The following GPC6 variants were observed in gnomAD, a reference collection of about 807,000 sequenced individuals.
The protein encoded by GPC6 is glypican-6.
Under a neutral mutation model 55.2 loss-of-function variants are expected in GPC6, and 14 were observed. That is an observed-to-expected ratio of 0.25 (90% CI 0.17 to 0.40). The LOEUF is 0.40. GPC6 is among the 10% of genes least tolerant of loss of function. The pLI, the probability that GPC6 is intolerant of heterozygous loss-of-function variation, is 1.00. For synonymous variants in GPC6, 278 were observed against 259.6 expected, an observed-to-expected ratio of 1.07 and a Z score of -0.68; for missense variants, 641 against 708.5, an observed-to-expected ratio of 0.90 and a Z score of 1.08.
chr13:94,251,178 C>G (rs1891336423), intron 4 of GPC6, among the ~76,000 whole-genome samples: 1 of 151,886 alleles, frequency 6.6e-6, no homozygotes, highest in Non-Finnish European at 1.5e-5. Context: ...AAACCAAAAG[C>G]CATCATCCTC....
chr13:94,035,556 C>A (rs566922025), intron 4 of GPC6, among the ~76,000 whole-genome samples: 8 of 152,014 alleles, frequency 5.3e-5, no homozygotes, highest in Admixed American at 2.0e-4. Context: ...TAACCAGAGT[C>A]CTTCACGTGG....
At chr13:93,552,886 TTTTA>T (rs2139444896) in intron 2 of GPC6, among the ~76,000 whole-genome samples, 1 of 152,306 alleles carries the variant, frequency 6.6e-6, no homozygotes, top group South Asian at 2.1e-4. Flanking sequence ...ACAGGAGAAA[TTTTA>T]TTTAAGTTAA....
intron 2 of GPC6, among the ~76,000 whole-genome samples, chr13:93,657,005 T>C (rs1397455598): frequency 6.6e-6 from 1 of 152,118 alleles, no homozygotes; most frequent in Non-Finnish European, 1.5e-5. Context: ...AGAATCAATA[T>C]GGTTAAAATG....
intron 2 of GPC6, among the ~76,000 whole-genome samples, chr13:93,671,702 C>A (rs1195102850): frequency 6.6e-6 from 1 of 151,954 alleles, no homozygotes; most frequent in Non-Finnish European, 1.5e-5. Flanking sequence ...ACAGCGGGTA[C>A]CAAATGGGGC....
At chr13:93,759,817 G>A (rs1884899703) in intron 2 of GPC6, among the ~76,000 whole-genome samples, 3 of 152,044 alleles carry the variant, frequency 2.0e-5, no homozygotes, top group South Asian at 4.1e-4. Context: ...AAGGTAGGCT[G>A]TTCTTGGGGA....
intron 4 of GPC6, among the ~76,000 whole-genome samples, chr13:94,045,152 A>G (rs532288228): frequency 1.3e-5 from 2 of 152,026 alleles, no homozygotes; most frequent in Non-Finnish European, 1.5e-5. Flanking sequence ...TTCCTGTCAT[A>G]GAATTCTGAG....
chr13:93,461,820 C>A (rs970918760), intron 1 of GPC6, among the ~76,000 whole-genome samples: 1 of 152,146 alleles, frequency 6.6e-6, no homozygotes, highest in Admixed American at 6.5e-5. Flanking sequence ...TCATATCATG[C>A]CTTTTTAAAA....
intron 2 of GPC6, among the ~76,000 whole-genome samples, chr13:93,599,189 T>A (rs1029661784): frequency 3.3e-5 from 5 of 152,040 alleles, no homozygotes; most frequent in Admixed American, 2.6e-4. Context: ...ACGTGCACTT[T>A]GGAAAAATGG....
At chr13:93,390,078 G>A (rs1875559284) in intron 1 of GPC6, among the ~76,000 whole-genome samples, 1 of 151,638 alleles carries the variant, frequency 6.6e-6, no homozygotes, top group Non-Finnish European at 1.5e-5. Flanking sequence ...GGGATATGCT[G>A]TGTTTAAGAG....
At chr13:93,356,895 A>G (rs865788582) in intron 1 of GPC6, among the ~76,000 whole-genome samples, 6 of 152,172 alleles carry the variant, frequency 3.9e-5, no homozygotes, top group African/African-American at 1.4e-4. Flanking sequence ...TCTGATTACT[A>G]TATAGAACTG....
At chr13:93,987,724 A>ACT (rs1307066059) in intron 3 of GPC6, among the ~76,000 whole-genome samples, 1 of 152,042 alleles carries the variant, frequency 6.6e-6, no homozygotes, top group Non-Finnish European at 1.5e-5. Context: ...CCCTTCTTTT[A>ACT]CTCTTCCTAA....
chr13:93,868,666 T>C (rs1005146370), intron 3 of GPC6, among the ~76,000 whole-genome samples: 1 of 151,832 alleles, frequency 6.6e-6, no homozygotes, highest in Admixed American at 6.6e-5. Context: ...TGGTACTACA[T>C]AGAAGTATTT....
At chr13:93,617,674 C>T (rs1878781395) in intron 2 of GPC6, among the ~76,000 whole-genome samples, 1 of 151,984 alleles carries the variant, frequency 6.6e-6, no homozygotes, top group Admixed American at 6.6e-5. Flanking sequence ...ATTTTTGTAG[C>T]TAGGTACTAT....
intron 2 of GPC6, among the ~76,000 whole-genome samples, chr13:93,804,801 C>A (rs1290070672): frequency 6.6e-6 from 1 of 152,162 alleles, no homozygotes; most frequent in Non-Finnish European, 1.5e-5. Context: ...GAACTCCAGT[C>A]CAGTTTGGGC....
intron 4 of GPC6, among the ~76,000 whole-genome samples, chr13:94,152,530 T>C (rs117318364): frequency 6.6e-6 from 1 of 152,070 alleles, no homozygotes; most frequent in Non-Finnish European, 1.5e-5. Context: ...CAAGAGTAAG[T>C]AGGTAAAATG....
intron 4 of GPC6, among the ~76,000 whole-genome samples, chr13:94,155,498 G>GA (rs1347373454): frequency 2.6e-5 from 4 of 151,994 alleles, no homozygotes; most frequent in African/African-American, 4.8e-5. Flanking sequence ...TCCTAAAATC[G>GA]AAAAAAGCCT....
chr13:93,685,653 C>G (rs895268483), intron 2 of GPC6, among the ~76,000 whole-genome samples: 1 of 152,036 alleles, frequency 6.6e-6, no homozygotes, highest in South Asian at 2.1e-4. Flanking sequence ...TGGTTGGACT[C>G]TGGTGCTGAT....
chr13:93,321,397 C>T (rs1265739427), intron 1 of GPC6, among the ~76,000 whole-genome samples: 3 of 152,038 alleles, frequency 2.0e-5, no homozygotes, highest in African/African-American at 7.2e-5. Flanking sequence ...TTTCTCTTTC[C>T]CAGGTAGTGC....
At chr13:93,717,251 A>G (rs1429427988) in intron 2 of GPC6, among the ~76,000 whole-genome samples, 1 of 151,726 alleles carries the variant, frequency 6.6e-6, no homozygotes, top group Non-Finnish European at 1.5e-5. Context: ...TTATTCTATA[A>G]ATAAAAGGTC....
Sources: allele counts gnomAD v4.1 joint callset (sites outside exome capture counted in the v4.1 genomes callset), GRCh38; gene constraint gnomAD v4.1.1; transcripts MANE v1.5; gene names NCBI Gene and HGNC (gene_info 2026-07-23, HGNC 2026-07-21).